ANKRD30B: variants seen among roughly 807,000 people sequenced by gnomAD.
ANKRD30B encodes the protein ankyrin repeat domain 30B, also known as ankyrin repeat domain-containing protein 30B.
Under a neutral mutation model 202.2 loss-of-function variants are expected in ANKRD30B, and 144 were observed. That is an observed-to-expected ratio of 0.71 (90% CI 0.62 to 0.82). The LOEUF is 0.82. Ranked by LOEUF, ANKRD30B falls within the 40% of genes least tolerant of loss-of-function variation. The pLI is 0.00. For synonymous variants in ANKRD30B, 508 were observed against 561.3 expected (o/e 0.91, Z 1.34); for missense variants, 1,487 against 1,669.1 (o/e 0.89, Z 1.90).
At chr18:14,856,381 T>C (rs74612270), downstream of ANKRD30B, among the ~76,000 whole-genome samples, 1 of 121,502 alleles carries the variant, frequency 8.2e-6, no homozygotes, top group African/African-American at 3.0e-5. Context: ...ACCTCCCAGA[T>C]GGGGAGGCTG....
rs1008072127 is a variant in ANKRD30B, at chr18:14,811,265, G to C, written c.2488+1085G>C. Reference sequence around the variant, plus strand: ...CTCGTTGTCTCGCCCAGGCTGGAGAGCAGTGGTGTGATCTTGGCGCACTGC... The same window carrying C: ...CTCGTTGTCTCGCCCAGGCTGGAGACCAGTGGTGTGATCTTGGCGCACTGC... On this transcript the variant is annotated intron_variant, in intron 28 of 43. Coordinates refer to ENST00000690538, the MANE Select transcript of ANKRD30B (RefSeq NM_001367607.2). Among the ~76,000 whole-genome samples the C allele has an allele frequency of 3.8e-4, 57 of 151,694 alleles. 1 individual carries two copies. Among genetic ancestry groups the C allele is most frequent in the South Asian group, 1.0e-3 (5 of 4,766 alleles).
chr18:14,901,643 T>C, the ANKRD30B span, among the ~76,000 whole-genome samples: 70 of 152,320 alleles, frequency 4.6e-4, 1 homozygote, highest in South Asian at 0.013. Context: ...TGGGAACATT[T>C]ACCTTTCTTT....
At position 14,817,012 on chromosome 18, in the gene ANKRD30B, G is replaced by A. The variant is rs1337834180; in HGVS notation, c.2641+2301G>A. On this transcript the variant is annotated intron_variant, in intron 30 of 43. Transcript: ENST00000690538. ...GGAGATATACCTAATGCTAAATGAC[G>A]AGTTAATGGGAACCTGCACATTGTG... 6 of 152,242 alleles carry A rather than the reference G, an allele frequency of 3.9e-5. No homozygotes were observed. The East Asian group carries it at 9.7e-4, about 25-fold the overall frequency. The allele number at this position is 152,242 out of a possible 1,614,324, so 9.4% of individuals were successfully genotyped here.
intron 7 of ANKRD30B, among the ~76,000 whole-genome samples, chr18:14,764,503 C>T (rs1323977190): frequency 6.6e-6 from 1 of 152,148 alleles, no homozygotes; most frequent in Non-Finnish European, 1.5e-5. Flanking sequence ...ATGCAATTCT[C>T]CTGCCTCAGC....
the ANKRD30B span, among the ~76,000 whole-genome samples, chr18:14,916,610 G>A: frequency 7.9e-5 from 12 of 152,266 alleles, no homozygotes; most frequent in East Asian, 1.7e-3. Context: ...TGTGTGTGGT[G>A]GGTGGGGGAG....
At chr18:14,750,232 C>A (rs538684707) in intron 1 of ANKRD30B, among the ~76,000 whole-genome samples, 1 of 152,206 alleles carries the variant, frequency 6.6e-6, no homozygotes, top group East Asian at 1.9e-4. Flanking sequence ...AGAATTCACT[C>A]AAATCAACAG....
chr18:14,752,018 A>G lies in ANKRD30B; in HGVS notation c.222-548A>G, dbSNP rs535692415. ...AGAGATGTTAAAATATGAGCAATTG[A>G]GCATCTTAGAATCATTAAAATACTG... On this transcript the variant is annotated intron_variant, in intron 1 of 43. Transcript: ENST00000690538. 6.2e-4 allele frequency among the ~76,000 whole-genome samples: 95 copies of G among 152,322 alleles called. No homozygotes were observed. The South Asian group carries it at 0.018, about 29-fold the overall frequency.
At chr18:14,763,318 G>A (rs1398493026) in intron 6 of ANKRD30B, among the ~76,000 whole-genome samples, 2 of 152,112 alleles carry the variant, frequency 1.3e-5, no homozygotes, top group African/African-American at 2.4e-5. Context: ...GGAGGCCAAG[G>A]CAGATGAATT....
At chr18:14,933,767 G>A in the ANKRD30B span, among the ~76,000 whole-genome samples, 4 of 152,180 alleles carry the variant, frequency 2.6e-5, no homozygotes, top group African/African-American at 7.2e-5. Context: ...AGGTGAACTC[G>A]GAGGGAAGGC....
chr18:14,868,367 C>G, the ANKRD30B span, among the ~76,000 whole-genome samples: 1 of 152,286 alleles, frequency 6.6e-6, no homozygotes. Flanking sequence ...GCATCTGAGC[C>G]AGGTGTGAGT....
intron 5 of ANKRD30B, chr18:14,759,093 A>G (rs1193276374): frequency 1.3e-5 from 2 of 152,180 alleles, no homozygotes; most frequent in Non-Finnish European, 2.9e-5. Flanking sequence ...AAGGCATTCA[A>G]TAGACTTCAC....
chr18:14,764,145 G>GA (rs1219643576), intron 7 of ANKRD30B, 55 bp downstream of exon 7: 4 of 1,449,952 alleles, frequency 2.8e-6, no homozygotes, highest in African/African-American at 1.4e-5. Context: ...GTTCCCTAGT[G>GA]AAAAAAGTGT....
the ANKRD30B span, among the ~76,000 whole-genome samples, chr18:14,917,129 C>G: frequency 1.3e-5 from 2 of 152,318 alleles, no homozygotes; most frequent in Admixed American, 6.5e-5. Context: ...ACTCCCTCCC[C>G]CTGGCTGCGT....
intron 9 of ANKRD30B, among the ~76,000 whole-genome samples, chr18:14,777,549 G>A (rs1231674818): frequency 6.6e-5 from 10 of 151,926 alleles, no homozygotes; most frequent in Non-Finnish European, 1.5e-4. Context: ...CCCCACCTTG[G>A]CCTCCCAAAG....
chr18:14,843,506 C>T (rs1343280978), intron 39 of ANKRD30B, among the ~76,000 whole-genome samples: 2 of 150,306 alleles, frequency 1.3e-5, no homozygotes, highest in Non-Finnish European at 3.0e-5. Context: ...GGACTGTAGT[C>T]ATTTGAAGCA....
rs71305894 is a variant in ANKRD30B at position 14,831,181 on chromosome 18, G to GAAAAAAAAAAAAA, written c.2775-195_2775-183dup. Among the ~76,000 whole-genome samples the GAAAAAAAAAAAAA allele has an allele frequency of 7.3e-4, 38 of 52,316 alleles. 1 individual carries two copies. The highest frequency in any genetic ancestry group is 1.1e-3 in the South Asian group (1 of 952). 34.3% of individuals were successfully genotyped at this position (52,316 alleles called of 152,430 possible). Reference sequence around the variant, plus strand: ...GGCGACAGAGCGAGACTCCGTCTCGGAAAAAAAAAAAAAAAAAAACGAAAA... The same window carrying GAAAAAAAAAAAAA: ...GGCGACAGAGCGAGACTCCGTCTCGGAAAAAAAAAAAAAAAAAAAAAAAAAAAAAAAACGAAAA... On this transcript the variant is annotated intron_variant, in intron 33 of 43. Coordinates refer to ENST00000690538, the MANE Select transcript of ANKRD30B (RefSeq NM_001367607.2).
At chr18:14,753,155 C>G in intron 3 of ANKRD30B, 143 bp downstream of exon 3, 2 of 638,274 alleles carry the variant, frequency 3.1e-6, no homozygotes, top group Admixed American at 7.1e-5. Flanking sequence ...AAGATTTAAC[C>G]TTAAATATTA....
chr18:14,869,387 T>C, the ANKRD30B span, among the ~76,000 whole-genome samples: 1 of 151,544 alleles, frequency 6.6e-6, no homozygotes, highest in Non-Finnish European at 1.5e-5. Context: ...TCTTATGTTG[T>C]ATGACAAGAA....
intron 30 of ANKRD30B, chr18:14,816,425 C>A (rs1970107626): frequency 6.6e-6 from 1 of 152,036 alleles, no homozygotes; most frequent in Non-Finnish European, 1.5e-5. Context: ...GCATGCGGAT[C>A]ACGAGGTCAG....
Sources: allele counts gnomAD v4.1 joint callset (sites outside exome capture counted in the v4.1 genomes callset), GRCh38; gene constraint gnomAD v4.1.1; transcripts MANE v1.5; gene names NCBI Gene and HGNC (gene_info 2026-07-23, HGNC 2026-07-21).